TTC3: variants seen among roughly 807,000 people sequenced by gnomAD.
TTC3 encodes the protein E3 ubiquitin-protein ligase TTC3.
Under a neutral mutation model 249.6 loss-of-function variants are expected in TTC3, and 180 were observed. The ratio of observed to expected loss-of-function variants is 0.72; its 90% CI spans 0.64 to 0.82. The LOEUF is 0.82. Ranked by LOEUF, TTC3 falls within the 40% of genes least tolerant of loss-of-function variation. The pLI is 0.00. For missense variants in TTC3, 2,061 were observed against 2,398.4 expected, an observed-to-expected ratio of 0.86 and a Z score of 2.94; for synonymous variants, 717 against 805.0, an observed-to-expected ratio of 0.89 and a Z score of 1.85.
At chr21:37,096,691 C>T (rs373285519) in intron 10 of TTC3, 48 bp downstream of exon 10, 13 of 1,419,364 alleles carry the variant, frequency 9.2e-6, no homozygotes, top group African/African-American at 1.4e-5. Context: ...TGCTAAATAC[C>T]CATTTTTGGG....
At chr21:37,089,456 T>C (rs2072950909) in intron 5 of TTC3, among the ~76,000 whole-genome samples, 1 of 152,174 alleles carries the variant, frequency 6.6e-6, no homozygotes, top group Non-Finnish European at 1.5e-5. Context: ...CAGTAGTTAT[T>C]TGCAGTAACA....
chr21:37,202,961 A>C (rs146121016), exon 46 of TTC3: 9 of 152,340 alleles, frequency 5.9e-5, no homozygotes, highest in Non-Finnish European at 1.3e-4. Context: ...GTTAACGTGC[A>C]TGAGGATCAG....
chr21:37,140,713 A>T, intron 20 of TTC3, 40 bp downstream of exon 20: 1 of 1,389,562 alleles, frequency 7.2e-7, no homozygotes, highest in Non-Finnish European at 9.9e-7. Flanking sequence ...TAGGCTGGTA[A>T]CTCATTTAAA....
Position 37,167,544 on chromosome 21 carries a change from T to G in TTC3, c.4402-11T>G. The G allele has an allele frequency of 3.1e-6, 5 of 1,603,870 alleles. No individual in the cohort carries two copies. The highest frequency in any genetic ancestry group is 4.3e-6 in the Non-Finnish European group (5 of 1,173,548). ...AGATAAAGTGAATTTTATTTTTTGT[T>G]TTGCCCACAGGTATCTTGGAACATA... On this transcript the variant is annotated splice_polypyrimidine_tract_variant and intron_variant, in intron 33 of 45. Coordinates refer to ENST00000355666, the Ensembl canonical transcript of TTC3.
intron 10 of TTC3, among the ~76,000 whole-genome samples, chr21:37,106,088 CTTTTA>C (rs1052149019): frequency 6.6e-6 from 1 of 152,138 alleles, no homozygotes; most frequent in Non-Finnish European, 1.5e-5. Flanking sequence ...TATTTTTCAT[CTTTTA>C]TTTTAGACAT....
intron 1 of TTC3, chr21:37,084,343 G>A (rs2072110586): frequency 6.6e-6 from 1 of 152,192 alleles, no homozygotes; most frequent in Non-Finnish European, 1.5e-5. Flanking sequence ...TAAGTTGTAA[G>A]CTGAAAAGTG....
chr21:37,088,505 T>G (rs939669456), intron 4 of TTC3, among the ~76,000 whole-genome samples, 159 bp downstream of exon 4: 6 of 152,196 alleles, frequency 3.9e-5, no homozygotes, highest in African/African-American at 9.7e-5. Context: ...GATTTGGATA[T>G]GAATGAATAA....
intron 41 of TTC3, chr21:37,194,041 C>T (rs540640590): frequency 2.0e-5 from 3 of 152,220 alleles, no homozygotes; most frequent in South Asian, 2.1e-4. Context: ...AGAGAACACA[C>T]TCCTTTCATA....
At chr21:37,145,147 A>G (rs1464594374) in intron 21 of TTC3, among the ~76,000 whole-genome samples, 1 of 152,270 alleles carries the variant, frequency 6.6e-6, no homozygotes, top group Non-Finnish European at 1.5e-5. Context: ...ATCCAGAAGC[A>G]TAAAGATGCT....
At chr21:37,112,174 A>G (rs2075729434) in intron 11 of TTC3, among the ~76,000 whole-genome samples, 1 of 152,224 alleles carries the variant, frequency 6.6e-6, no homozygotes, top group Non-Finnish European at 1.5e-5. Context: ...AGCTAGCAGA[A>G]GGCAAGAAAT....
Position 37,157,079 on chromosome 21 carries a change from A to G in TTC3, c.2992+173A>G, listed in dbSNP as rs573168316. The G allele has an allele frequency of 3.8e-4, 520 of 1,356,002 alleles. 2 individuals carry two copies. The African/African-American group carries it at 7.2e-3, about 19-fold the overall frequency. 84.0% of individuals were successfully genotyped at this position (1,356,002 alleles called of 1,614,324 possible). A position where few individuals can be genotyped will look rare whatever the true frequency, so the allele number is the denominator to read the frequency against. On this transcript the variant is annotated intron_variant, in intron 28 of 45. Transcript: ENST00000355666. ...CAGTAGCAATTTTTTTATATCATGA[A>G]GCTTTTTTACTTTATCAGTTAAAGA... is the stretch of plus-strand genomic sequence containing the variant.
exon 46 of TTC3, chr21:37,202,369 C>G (rs2085575007): frequency 6.6e-6 from 1 of 152,286 alleles, no homozygotes; most frequent in Non-Finnish European, 1.5e-5. Context: ...TTGAACTCCG[C>G]TGCCTTCCTT....
At chr21:37,123,851 C>T (rs1643455026) in intron 13 of TTC3, among the ~76,000 whole-genome samples, 1 of 151,672 alleles carries the variant, frequency 6.6e-6, no homozygotes, top group African/African-American at 2.4e-5. Context: ...CGGGTTCAAG[C>T]GATTCTCCTG....
chr21:37,138,548 C>A (rs1601711329), intron 18 of TTC3, 86 bp from the exon 19 acceptor site: 1 of 834,428 alleles, frequency 1.2e-6, no homozygotes, highest in Non-Finnish European at 2.0e-6. Flanking sequence ...TAGTGAGATT[C>A]TATTACACTT....
rs114990918 is a variant in TTC3, at chr21:37,129,318, C to T, written c.1358+255C>T. Among the ~76,000 whole-genome samples the T allele has an allele frequency of 9.8e-3, 1,497 of 152,114 alleles. 23 individuals carry two copies. The highest frequency in any genetic ancestry group is 0.034 in the African/African-American group (1,401 of 41,494). ...ATATTTCCATATTAATTTCTTAAAT[C>T]CCAGAATATGTACTCTAAAAGGAAA... On this transcript the variant is annotated intron_variant, in intron 16 of 45. Transcript: ENST00000355666.
At chr21:37,146,786 C>A (rs1167758851) in intron 21 of TTC3, among the ~76,000 whole-genome samples, 6 of 152,098 alleles carry the variant, frequency 3.9e-5, no homozygotes, top group Non-Finnish European at 1.5e-5. Flanking sequence ...GTCAGCACAT[C>A]CTGTGAATAT....
chr21:37,120,879 G>A (rs1601585636), intron 11 of TTC3, among the ~76,000 whole-genome samples: 1 of 152,184 alleles, frequency 6.6e-6, no homozygotes. Context: ...TTTGTGAAAT[G>A]TGTAGTGAAG....
exon 46 of TTC3, chr21:37,202,583 A>G (rs192297320): frequency 6.6e-6 from 1 of 152,274 alleles, no homozygotes; most frequent in Non-Finnish European, 1.5e-5. Flanking sequence ...TGTGTAAAGT[A>G]TGCATGCAGT....
intron 32 of TTC3, 39 bp downstream of exon 32, chr21:37,164,254 T>C (rs1302761572): frequency 1.4e-6 from 2 of 1,478,178 alleles, no homozygotes; most frequent in Non-Finnish European, 1.8e-6. Flanking sequence ...TATTTTATAC[T>C]AAGGCTGCCA....
Sources: gnomAD v4.1 joint callset for allele counts (sites outside exome capture counted in the v4.1 genomes callset) on GRCh38, gnomAD v4.1.1 for gene constraint, MANE v1.5 for transcripts, NCBI Gene and HGNC (gene_info 2026-07-23, HGNC 2026-07-21) for gene names.